Variants in ELOVL5 observed in about 807,000 individuals in gnomAD.
ELOVL5 encodes the protein very long chain fatty acid elongase 5.
ELOVL5 carries 8 observed loss-of-function variants against 38.6 expected under a neutral mutation model. The observed-to-expected ratio is 0.21, with a 90% CI of 0.12 to 0.37. The LOEUF (loss-of-function observed/expected upper bound fraction) is 0.37, where lower values mean the gene tolerates loss of function less well. Ranked by LOEUF, ELOVL5 falls within the 10% of genes least tolerant of loss-of-function variation. The pLI is 1.00. For missense variants in ELOVL5, 280 were observed against 367.8 expected, an observed-to-expected ratio of 0.76 and a Z score of 1.95; for synonymous variants, 127 against 133.7, an observed-to-expected ratio of 0.95 and a Z score of 0.34.
intron 1 of ELOVL5, among the ~76,000 whole-genome samples, chr6:53,319,814 T>A (rs1361969968): frequency 2.0e-5 from 3 of 152,242 alleles, no homozygotes; most frequent in Non-Finnish European, 4.4e-5. Context: ...TTCAATATAT[T>A]ACTCAAACCC....
intron 1 of ELOVL5, among the ~76,000 whole-genome samples, chr6:53,335,320 T>A (rs73740717): frequency 0.12 from 18,882 of 152,262 alleles, 1,308 homozygotes; most frequent in African/African-American, 0.17. Context: ...CCAGGGCCCA[T>A]GTGATCAGAA....
intron 5 of ELOVL5, among the ~76,000 whole-genome samples, chr6:53,274,885 C>T (rs1468474455): frequency 1.3e-5 from 2 of 152,206 alleles, no homozygotes; most frequent in Non-Finnish European, 2.9e-5. Flanking sequence ...TCTCCCTCAT[C>T]TCACCCAATC....
chr6:53,295,755 T>C lies in ELOVL5; in HGVS notation c.-8-48A>G, dbSNP rs372086417. The C allele has an allele frequency of 1.2e-4, 140 of 1,159,430 alleles. 1 individual carries two copies. In the African/African-American group the frequency reaches 2.1e-3, roughly 17 times the overall value. 71.8% of individuals were successfully genotyped at this position (1,159,430 alleles called of 1,614,324 possible). On this transcript the variant is annotated intron_variant, in intron 1 of 7. Coordinates refer to ENST00000304434, the MANE Select transcript of ELOVL5 (RefSeq NM_021814.5). ...TGATTAATCTCTACTCAAAATGTTT[T>C]TTATACAGTATTTTTTCATAAAAGA...
At chr6:53,294,719 T>C (rs958003879) in intron 2 of ELOVL5, among the ~76,000 whole-genome samples, 8 of 152,186 alleles carry the variant, frequency 5.3e-5, no homozygotes, top group Non-Finnish European at 1.5e-5. Context: ...TTCTTTTCAA[T>C]GGGCCATACA....
At chr6:53,299,347 A>G (rs1052867258) in intron 1 of ELOVL5, among the ~76,000 whole-genome samples, 2 of 152,214 alleles carry the variant, frequency 1.3e-5, no homozygotes, top group African/African-American at 4.8e-5. Flanking sequence ...GTTTCTATGT[A>G]ATGAGGAAAT....
intron 1 of ELOVL5, among the ~76,000 whole-genome samples, chr6:53,348,028 C>G (rs1340398753): frequency 6.6e-6 from 1 of 151,328 alleles, no homozygotes; most frequent in Non-Finnish European, 1.5e-5. Flanking sequence ...AACCGCCCCC[C>G]CGCCGCGCGC....
intron 1 of ELOVL5, among the ~76,000 whole-genome samples, chr6:53,332,516 C>T (rs1159982950): frequency 2.0e-5 from 3 of 152,118 alleles, no homozygotes; most frequent in African/African-American, 7.2e-5. Flanking sequence ...TCAACCACTA[C>T]ATAAATGCTG....
intron 1 of ELOVL5, among the ~76,000 whole-genome samples, chr6:53,300,923 T>C (rs997005255): frequency 6.6e-6 from 1 of 152,210 alleles, no homozygotes; most frequent in Admixed American, 6.5e-5. Flanking sequence ...CGTGCCCTTT[T>C]CATTCCCATC....
chr6:53,323,289 A>G (rs1768371538), intron 1 of ELOVL5, among the ~76,000 whole-genome samples: 1 of 152,214 alleles, frequency 6.6e-6, no homozygotes, highest in South Asian at 2.1e-4. Context: ...CACCAAGACA[A>G]TGGTGTAAAA....
chr6:53,287,917 G>T, intron 3 of ELOVL5: 1 of 1,535,718 alleles, frequency 6.5e-7, no homozygotes, highest in Non-Finnish European at 8.7e-7. Flanking sequence ...GGCACAGGCA[G>T]ATCGACGGGG....
chr6:53,271,621 T>C (rs1333937712), intron 6 of ELOVL5, among the ~76,000 whole-genome samples: 2 of 152,166 alleles, frequency 1.3e-5, no homozygotes, highest in Non-Finnish European at 2.9e-5. Context: ...AATGTTTCTA[T>C]GTAGAGTTTT....
At chr6:53,276,566 C>T (rs1766137699) in intron 3 of ELOVL5, among the ~76,000 whole-genome samples, 1 of 152,156 alleles carries the variant, frequency 6.6e-6, no homozygotes, top group South Asian at 2.1e-4. Context: ...GTGCCCAGAC[C>T]AAGCCAATCA....
At chr6:53,275,974 A>G (rs1177541457) in intron 4 of ELOVL5, among the ~76,000 whole-genome samples, 1 of 152,200 alleles carries the variant, frequency 6.6e-6, no homozygotes, top group Non-Finnish European at 1.5e-5. Flanking sequence ...AGTTATTTTT[A>G]CAGAGGGGGA....
chr6:53,272,225 G>A (rs1765954420), intron 6 of ELOVL5, among the ~76,000 whole-genome samples: 1 of 152,180 alleles, frequency 6.6e-6, no homozygotes, highest in Non-Finnish European at 1.5e-5. Context: ...AGGGCAAAGG[G>A]TTTAATGTCC....
chr6:53,287,909 C>T lies in ELOVL5; in HGVS notation c.246+3867G>A. 6.5e-7 allele frequency: 1 copy of T among 1,535,730 alleles called. No individual in the cohort carries two copies. Among genetic ancestry groups the T allele is most frequent in the Non-Finnish European group, 8.7e-7 (1 of 1,146,906 alleles). ...TGAGTCGAAGGATCAGTTCGTGAGGCACAGGCAGATCGACGGGGTTGCTCC... is the reference window on the plus strand; with the variant it reads ...TGAGTCGAAGGATCAGTTCGTGAGGTACAGGCAGATCGACGGGGTTGCTCC... On this transcript the variant is annotated intron_variant, in intron 3 of 7. Coordinates refer to ENST00000304434, the MANE Select transcript of ELOVL5 (RefSeq NM_021814.5).
At chr6:53,339,314 T>C (rs1582000785) in intron 1 of ELOVL5, among the ~76,000 whole-genome samples, 2 of 152,174 alleles carry the variant, frequency 1.3e-5, no homozygotes, top group African/African-American at 4.8e-5. Flanking sequence ...TGCTGATACT[T>C]ATAGCCATTA....
chr6:53,275,944 T>C (rs572431507), intron 4 of ELOVL5, among the ~76,000 whole-genome samples: 1 of 152,386 alleles, frequency 6.6e-6, no homozygotes, highest in Non-Finnish European at 1.5e-5. Flanking sequence ...ATGTGATTTT[T>C]CCTGCCAATT....
At chr6:53,273,127 G>T in intron 6 of ELOVL5, 93 bp downstream of exon 6, 1 of 1,310,000 alleles carries the variant, frequency 7.6e-7, no homozygotes, top group Non-Finnish European at 1.1e-6. Context: ...GTGGAGAAGG[G>T]GCATCTTAGA....
At chr6:53,284,681 G>A (rs1389687636) in intron 3 of ELOVL5, among the ~76,000 whole-genome samples, 1 of 152,160 alleles carries the variant, frequency 6.6e-6, no homozygotes, top group Non-Finnish European at 1.5e-5. Flanking sequence ...TGGCAACTCT[G>A]CATTAAGCAA....
Sources: gnomAD v4.1 joint callset for allele counts (sites outside exome capture counted in the v4.1 genomes callset) on GRCh38, gnomAD v4.1.1 for gene constraint, MANE v1.5 for transcripts, NCBI Gene and HGNC (gene_info 2026-07-23, HGNC 2026-07-21) for gene names.